LARGE1: variants seen among roughly 807,000 people sequenced by gnomAD.
LARGE1 encodes LARGE xylosyl- and glucuronyltransferase 1.
LARGE1 carries 43 observed loss-of-function variants against 87.6 expected under a neutral mutation model. That is an observed-to-expected ratio of 0.49 (90% CI 0.38 to 0.63). The LOEUF is 0.63. Among genes scored for constraint, LARGE1 ranks in the 30% least tolerant of loss-of-function variants. LARGE1 has a pLI of 0.00. For synonymous variants in LARGE1, 434 were observed against 394.6 expected (o/e 1.10, Z -1.18); for missense variants, 802 against 1,000.2 (o/e 0.80, Z 2.67).
chr22:33,424,324 A>C (rs2066798574), intron 7 of LARGE1, among the ~76,000 whole-genome samples: 1 of 152,208 alleles, frequency 6.6e-6, no homozygotes, highest in South Asian at 2.1e-4. Context: ...AAAGAGAAAA[A>C]GTGGAGCTAT....
intron 2 of LARGE1, among the ~76,000 whole-genome samples, chr22:33,706,095 AAAG>A (rs1417076317): frequency 6.6e-6 from 1 of 152,252 alleles, no homozygotes; most frequent in African/African-American, 2.4e-5. Flanking sequence ...GAAGGTTTCT[AAAG>A]ATGACAGTGA....
At chr22:33,170,653 T>A (rs1369925129) in intron 11 of LARGE1, among the ~76,000 whole-genome samples, 1 of 152,220 alleles carries the variant, frequency 6.6e-6, no homozygotes, top group Non-Finnish European at 1.5e-5. Flanking sequence ...CCCCTTTGCC[T>A]TCTGCCATGA....
In LARGE1 at chr22:33,644,860, T is replaced by C. The variant is rs143729864; in HGVS notation, c.408+5507A>G. ...TGAGGAATACAACTTATAAGGGTTA[T>C]GAAGGACCTCTTCAAGAACTACAAA... On this transcript the variant is annotated intron_variant, in intron 3 of 14. Transcript: ENST00000397394. Among the ~76,000 whole-genome samples the C allele has an allele frequency of 3.7e-3, 569 of 152,286 alleles. 5 individuals are homozygous for C. The highest frequency in any genetic ancestry group is 0.013 in the African/African-American group (537 of 41,548).
At chr22:33,557,605 G>A (rs1008668485) in intron 6 of LARGE1, among the ~76,000 whole-genome samples, 37 of 152,028 alleles carry the variant, frequency 2.4e-4, no homozygotes, top group African/African-American at 7.7e-4. Context: ...TCGCTCTGTC[G>A]CCCAGGCTGG....
At chr22:33,266,219 CTT>C (rs983805203) in intron 11 of LARGE1, among the ~76,000 whole-genome samples, 9 of 106,918 alleles carry the variant, frequency 8.4e-5, no homozygotes, top group Admixed American at 2.9e-4. Flanking sequence ...ATTTTCAGGG[CTT>C]TTTTTTTTTT....
the LARGE1 span, among the ~76,000 whole-genome samples, chr22:33,125,551 A>T: frequency 3.3e-5 from 5 of 151,806 alleles, no homozygotes; most frequent in African/African-American, 1.2e-4. Context: ...TGTTCAAGCA[A>T]TTCTCGTACT....
chr22:33,605,799 C>T (rs905420164), intron 4 of LARGE1, among the ~76,000 whole-genome samples: 3 of 152,110 alleles, frequency 2.0e-5, no homozygotes, highest in Admixed American at 6.5e-5. Context: ...CAGAGACAGA[C>T]GAGCGCAGTT....
chr22:33,803,178 T>C (rs1250883501), intron 1 of LARGE1, among the ~76,000 whole-genome samples: 1 of 152,168 alleles, frequency 6.6e-6, no homozygotes, highest in Non-Finnish European at 1.5e-5. Flanking sequence ...ACTATTACAT[T>C]ATGGAATTGG....
chr22:33,732,886 C>T (rs759887069), intron 2 of LARGE1: 197 of 152,352 alleles, frequency 1.3e-3, no homozygotes, highest in Non-Finnish European at 2.0e-3. Flanking sequence ...TCTTTGCATT[C>T]GCCTTTCTAT....
chr22:33,777,562 G>C (rs955402152), intron 1 of LARGE1, among the ~76,000 whole-genome samples: 1 of 151,036 alleles, frequency 6.6e-6, no homozygotes, highest in African/African-American at 2.4e-5. Context: ...AGGATCTCTT[G>C]AGCCCAGGAG....
intron 2 of LARGE1, among the ~76,000 whole-genome samples, chr22:33,717,453 T>A (rs2149425895): frequency 6.6e-6 from 1 of 152,352 alleles, no homozygotes. Context: ...GATACATTCC[T>A]GGACTCTCTG....
In LARGE1 at chr22:33,742,678, G is replaced by C. The variant is rs546763862; in HGVS notation, c.106+18693C>G. Among the ~76,000 whole-genome samples, 218 of 152,356 alleles carry C rather than the reference G, an allele frequency of 1.4e-3. 1 individual carries two copies. The highest frequency in any genetic ancestry group is 4.8e-3 in the African/African-American group (198 of 41,586). Reference sequence around the variant, plus strand: ...CTAATAAAACCACGCAGATGCTTCAGCTTTACTTCAACCAGATTTTTCTTT... The same window carrying C: ...CTAATAAAACCACGCAGATGCTTCACCTTTACTTCAACCAGATTTTTCTTT... On this transcript the variant is annotated intron_variant, in intron 2 of 14. Coordinates refer to ENST00000397394, the MANE Select transcript of LARGE1 (RefSeq NM_133642.5).
In LARGE1 at chr22:33,253,604, C is replaced by T. The variant is rs551616971; in HGVS notation, c.1730+50625G>A. Among the ~76,000 whole-genome samples the T allele has an allele frequency of 3.0e-4, 45 of 152,274 alleles. No individual in the cohort carries two copies. The East Asian group carries it at 6.6e-3, about 22-fold the overall frequency. On this transcript the variant is annotated intron_variant, in intron 11 of 11. Coordinates refer to the LARGE1 transcript ENST00000608642. ...GCAGGCGCCTATAATCTCAGCTACT[C>T]GGGAGGCTGAGGCAGGAGAATCGCT...
chr22:33,262,716 T>C (rs945605115), intron 11 of LARGE1, among the ~76,000 whole-genome samples: 51 of 152,246 alleles, frequency 3.3e-4, no homozygotes, highest in African/African-American at 1.2e-3. Flanking sequence ...TCAGGGACAG[T>C]GGGCTCCCTC....
intron 6 of LARGE1, among the ~76,000 whole-genome samples, chr22:33,475,019 C>A (rs1176594908): frequency 1.3e-5 from 2 of 152,144 alleles, no homozygotes; most frequent in Non-Finnish European, 2.9e-5. Flanking sequence ...AACTGCACCT[C>A]TTTTCACTCC....
chr22:33,572,090 G>GT, intron 5 of LARGE1: 1 of 613,492 alleles, frequency 1.6e-6, no homozygotes. Context: ...TATGTAATCT[G>GT]TAAGCTCTCC....
chr22:33,637,848 T>C (rs934630620), intron 3 of LARGE1, among the ~76,000 whole-genome samples: 1 of 152,146 alleles, frequency 6.6e-6, no homozygotes, highest in Non-Finnish European at 1.5e-5. Context: ...AGAAACTGTA[T>C]GAGATAATAA....
the LARGE1 span, among the ~76,000 whole-genome samples, chr22:33,076,712 C>T: frequency 6.6e-6 from 1 of 152,002 alleles, no homozygotes; most frequent in African/African-American, 2.4e-5. Flanking sequence ...TAGTGTTTAT[C>T]CATATGTCTA....
chr22:33,384,395 C>T (rs1301059999), intron 7 of LARGE1, 91 bp from the exon 8 acceptor site: 18 of 922,646 alleles, frequency 2.0e-5, no homozygotes, highest in East Asian at 1.5e-4. Flanking sequence ...CACAGTCTCT[C>T]GGGGATGATT....
Sources: allele counts gnomAD v4.1 joint callset (sites outside exome capture counted in the v4.1 genomes callset), GRCh38; gene constraint gnomAD v4.1.1; transcripts MANE v1.5; gene names NCBI Gene and HGNC (gene_info 2026-07-23, HGNC 2026-07-21).